The following MTUS2 variants were observed in gnomAD, a reference collection of about 807,000 sequenced individuals.
MTUS2 encodes microtubule associated scaffold protein 2.
MTUS2 carries 40 observed loss-of-function variants against 114.1 expected under a neutral mutation model. The ratio of observed to expected loss-of-function variants is 0.35; its 90% confidence interval spans 0.27 to 0.46. MTUS2 has a LOEUF of 0.46. Among genes scored for constraint, MTUS2 ranks in the 20% least tolerant of loss-of-function variants. The pLI, the probability that MTUS2 is intolerant of heterozygous loss-of-function variation, is 1.00. For synonymous variants in MTUS2, 688 were observed against 672.0 expected (o/e 1.02, Z -0.37); for missense variants, 1,679 against 1,705.4 (o/e 0.98, Z 0.27).
At chr13:28,892,174 T>G (rs1878971799) in intron 2 of MTUS2, among the ~76,000 whole-genome samples, 1 of 152,160 alleles carries the variant, frequency 6.6e-6, no homozygotes, top group African/African-American at 2.4e-5. Flanking sequence ...ATGGACTGTC[T>G]CCTTAGTATT....
intron 5 of MTUS2, among the ~76,000 whole-genome samples, chr13:29,235,414 T>G (rs1896499519): frequency 1.3e-5 from 2 of 152,270 alleles, no homozygotes; most frequent in African/African-American, 4.8e-5. Flanking sequence ...TTTTTATCAT[T>G]TCTAATATTT....
chr13:29,341,373 G>A (rs4769723), intron 7 of MTUS2, among the ~76,000 whole-genome samples: 122,564 of 152,118 alleles, frequency 0.81, 50,399 homozygotes, highest in East Asian at 0.9. Flanking sequence ...TTATCGCATT[G>A]TGGCTTTGAT....
chr13:29,461,858 G>C (rs1879520796), intron 9 of MTUS2, among the ~76,000 whole-genome samples: 1 of 152,204 alleles, frequency 6.6e-6, no homozygotes, highest in Non-Finnish European at 1.5e-5. Context: ...CTTGGCTAAG[G>C]CGCTCTATGG....
At position 29,185,201 on chromosome 13, in the gene MTUS2, T is replaced by C. The variant is rs550501613; in HGVS notation, c.2644+84231T>C. Among the ~76,000 whole-genome samples the C allele has an allele frequency of 1.2e-4, 18 of 152,104 alleles. No individual in the cohort carries two copies. The East Asian group carries it at 2.7e-3, about 23-fold the overall frequency. On this transcript the variant is annotated intron_variant, in intron 5 of 15. Coordinates refer to ENST00000612955, the MANE Select transcript of MTUS2 (RefSeq NM_001033602.4). ...TGAGCAAGCAGAAGAATCACGTATA[T>C]TGAAGACAGATCAATTGAGATTATC...
chr13:28,949,694 T>TAGA (rs1484865824), intron 2 of MTUS2, among the ~76,000 whole-genome samples: 6 of 152,226 alleles, frequency 3.9e-5, no homozygotes, highest in Non-Finnish European at 8.8e-5. Context: ...CTTATGTAGG[T>TAGA]AGAATCATAC....
At chr13:29,085,073 A>G (rs796608277) in intron 4 of MTUS2, among the ~76,000 whole-genome samples, 24 of 152,216 alleles carry the variant, frequency 1.6e-4, no homozygotes, top group African/African-American at 5.5e-4. Flanking sequence ...GTTGTTTAAA[A>G]GAATCTGGGA....
chr13:28,891,608 G>A (rs3011023), intron 2 of MTUS2, among the ~76,000 whole-genome samples: 22,422 of 152,008 alleles, frequency 0.15, 1,902 homozygotes, highest in African/African-American at 0.21. Context: ...GGCTGGGCAC[G>A]GTGGCTCATG....
chr13:29,434,690 T>C (rs1369597796), intron 8 of MTUS2, among the ~76,000 whole-genome samples: 1 of 152,200 alleles, frequency 6.6e-6, no homozygotes, highest in African/African-American at 2.4e-5. Flanking sequence ...ACAGGCGTTT[T>C]CACTTCCCAT....
chr13:29,465,782 T>C (rs542581171), intron 9 of MTUS2, among the ~76,000 whole-genome samples: 1 of 152,356 alleles, frequency 6.6e-6, no homozygotes, highest in South Asian at 2.1e-4. Flanking sequence ...ATACATTTAA[T>C]CCTGGCCTCT....
At chr13:29,020,738 C>A (rs1566297310) in intron 2 of MTUS2, among the ~76,000 whole-genome samples, 1 of 151,390 alleles carries the variant, frequency 6.6e-6, no homozygotes, top group Non-Finnish European at 1.5e-5. Flanking sequence ...GGCAGCTTTT[C>A]TTCTTTACAG....
chr13:29,404,243 C>T lies in MTUS2; in HGVS notation c.3118-35740C>T, dbSNP rs113747703. Among the ~76,000 whole-genome samples the T allele has an allele frequency of 4.7e-3, 706 of 151,682 alleles. 8 individuals are homozygous for T. Among genetic ancestry groups the T allele is most frequent in the African/African-American group, 0.016 (674 of 41,368 alleles). On this transcript the variant is annotated intron_variant, in intron 8 of 15. Coordinates refer to ENST00000612955, the MANE Select transcript of MTUS2 (RefSeq NM_001033602.4). ...GTGTGTGCCTGTAGTCCCAGCTACT[C>T]GGGAGGCTGAGGTGGGAGGATCACC...
At chr13:29,457,239 A>G (rs1308326720) in intron 9 of MTUS2, among the ~76,000 whole-genome samples, 1 of 152,108 alleles carries the variant, frequency 6.6e-6, no homozygotes, top group African/African-American at 2.4e-5. Flanking sequence ...CATCTATGTA[A>G]TCACCACCCA....
intron 9 of MTUS2, among the ~76,000 whole-genome samples, chr13:29,466,379 A>G (rs1290072489): frequency 6.6e-6 from 1 of 152,176 alleles, no homozygotes; most frequent in Non-Finnish European, 1.5e-5. Context: ...TCTATGCCTA[A>G]AAGTTCCTGG....
At chr13:29,045,065 G>C (rs1486942099) in intron 4 of MTUS2, among the ~76,000 whole-genome samples, 1 of 152,164 alleles carries the variant, frequency 6.6e-6, no homozygotes, top group Non-Finnish European at 1.5e-5. Context: ...TCTATGACCA[G>C]CTGGAGAAAA....
At chr13:29,159,384 G>A (rs1032014422) in intron 5 of MTUS2, among the ~76,000 whole-genome samples, 1 of 152,126 alleles carries the variant, frequency 6.6e-6, no homozygotes, top group Non-Finnish European at 1.5e-5. Flanking sequence ...GGACTTAAAT[G>A]TGAAACATAA....
chr13:28,897,814 A>G (rs1462524712), intron 2 of MTUS2, among the ~76,000 whole-genome samples: 3 of 150,910 alleles, frequency 2.0e-5, no homozygotes, highest in African/African-American at 7.3e-5. Flanking sequence ...AAAAAACCAA[A>G]CACCGCATGT....
chr13:29,314,473 A>G (rs1009971669), intron 6 of MTUS2, among the ~76,000 whole-genome samples: 1 of 152,172 alleles, frequency 6.6e-6, no homozygotes. Context: ...GTAACCAAAA[A>G]TGGTACAACT....
intron 3 of MTUS2, among the ~76,000 whole-genome samples, chr13:29,033,014 T>G (rs1886898823): frequency 6.6e-6 from 1 of 152,172 alleles, no homozygotes; most frequent in South Asian, 2.1e-4. Context: ...ATTGCATATA[T>G]AAAAGGTACT....
intron 2 of MTUS2, among the ~76,000 whole-genome samples, chr13:28,885,038 A>G (rs1230324874): frequency 6.6e-6 from 1 of 152,096 alleles, no homozygotes; most frequent in Non-Finnish European, 1.5e-5. Context: ...TTTGAAATTT[A>G]TCATCAATCA....
Sources: allele counts gnomAD v4.1 joint callset (sites outside exome capture counted in the v4.1 genomes callset), GRCh38; gene constraint gnomAD v4.1.1; transcripts MANE v1.5; gene names NCBI Gene and HGNC (gene_info 2026-07-23, HGNC 2026-07-21).